GPR143: variants seen among roughly 807,000 people sequenced by gnomAD.
GPR143 encodes the protein G protein-coupled receptor 143.
A neutral mutation model predicts 27.6 loss-of-function variants in GPR143; 8 were observed. That is an observed-to-expected ratio of 0.29 (90% CI 0.17 to 0.52). The LOEUF (loss-of-function observed/expected upper bound fraction) is 0.52. Ranked by LOEUF, GPR143 falls within the 20% of genes least tolerant of loss-of-function variation. The pLI, the probability that GPR143 is intolerant of heterozygous loss-of-function variation, is 0.96. For missense variants in GPR143, 303 were observed against 343.1 expected, an observed-to-expected ratio of 0.88 and a Z score of 0.92; for synonymous variants, 156 against 153.2, an observed-to-expected ratio of 1.02 and a Z score of -0.13.
intron 2 of GPR143, 45 bp downstream of exon 2, chrX:9,760,672 G>T: frequency 1.5e-6 from 1 of 689,269 alleles, no homozygotes. Context: ...GCGATTTGAG[G>T]AGCATAAGTA....
intron 3 of GPR143, among the ~76,000 whole-genome samples, chrX:9,756,819 C>T (rs1033792993): frequency 8.9e-6 from 1 of 112,519 alleles, no homozygotes; most frequent in African/African-American, 3.2e-5. Flanking sequence ...AGCAGTTTAA[C>T]AGTTTCTTAC....
intron 1 of GPR143, among the ~76,000 whole-genome samples, chrX:9,761,782 G>A (rs1224408211): frequency 1.8e-5 from 2 of 112,595 alleles, no homozygotes. Context: ...TCTTTGTTAG[G>A]TAATGCAATA....
chrX:9,744,164 C>CT (rs1436666844), intron 5 of GPR143, among the ~76,000 whole-genome samples: 4 of 110,012 alleles, frequency 3.6e-5, no homozygotes, highest in African/African-American at 1.3e-4. Context: ...TGGTGAAACT[C>CT]TGTCTTTACT....
rs150324980 is a variant in GPR143, at chrX:9,734,481, C to T, written c.1120+5004G>A. ...AGGCATTGTGGGAGATACAGCTACG[C>T]TCCTTTCTGGCCATGTTTCTGGGCT... On this transcript the variant is annotated intron_variant, in intron 8 of 8. Coordinates refer to ENST00000467482, the MANE Select transcript of GPR143 (RefSeq NM_000273.3). Among the ~76,000 whole-genome samples, 690 of 111,588 alleles carry T rather than the reference C, an allele frequency of 6.2e-3. 7 individuals carry two copies. The highest frequency in any genetic ancestry group is 0.021 in the African/African-American group (656 of 30,671).
chrX:9,750,239 T>A (rs1014347910), intron 3 of GPR143, among the ~76,000 whole-genome samples: 1 of 112,202 alleles, frequency 8.9e-6, no homozygotes, highest in African/African-American at 3.2e-5. Context: ...AGATAGAGTC[T>A]CACTCTGTGG....
intron 5 of GPR143, among the ~76,000 whole-genome samples, chrX:9,743,959 A>G (rs1451412981): frequency 8.9e-6 from 1 of 112,843 alleles, no homozygotes. Flanking sequence ...CCCTTTACCC[A>G]GATTCCCCTC....
At chrX:9,749,340 G>A (rs777785854) in intron 3 of GPR143, among the ~76,000 whole-genome samples, 1 of 104,798 alleles carries the variant, frequency 9.5e-6, no homozygotes, top group African/African-American at 3.5e-5. Context: ...CCCCAGCCAC[G>A]CTGAACTGTG....
chrX:9,725,471 T>C lies in GPR143; in HGVS notation c.*275A>G, dbSNP rs192175598. 9.7e-4 allele frequency: 319 copies of C among 330,155 alleles called. 1 individual carries two copies. The highest frequency in any genetic ancestry group is 3.4e-3 in the Middle Eastern group (4 of 1,184). The allele number at this position is 330,155 out of a possible 1,213,427, so 27.2% of individuals were successfully genotyped here. A position where few individuals can be genotyped will look rare whatever the true frequency, so the allele number is the denominator to read the frequency against. Reference sequence around the variant, plus strand: ...AAGGATGTGGACCTTACACTTACTTTACAGCCAGCCTCAGAAAACTTCCTA... The same window carrying C: ...AAGGATGTGGACCTTACACTTACTTCACAGCCAGCCTCAGAAAACTTCCTA... On this transcript the variant is annotated 3_prime_UTR_variant, in exon 9 of 9. Transcript: ENST00000467482.
At chrX:9,732,989 G>A (rs953628760) in intron 8 of GPR143, among the ~76,000 whole-genome samples, 1 of 111,260 alleles carries the variant, frequency 9.0e-6, no homozygotes, top group East Asian at 2.8e-4. Context: ...AGAAAGACAA[G>A]GATTGTGGGA....
intron 2 of GPR143, 120 bp from the exon 3 acceptor site, chrX:9,759,546 G>A (rs942749507): frequency 1.7e-5 from 9 of 527,532 alleles, no homozygotes; most frequent in Non-Finnish European, 2.7e-5. Flanking sequence ...GCACGTGACA[G>A]CTCTCGGGAC....
rs373467758 is a variant in GPR143 at position 9,760,734 on chromosome X, A to G, written c.343T>C (p.Phe115Leu). 8.4e-7 allele frequency: 1 copy of G among 1,186,441 alleles called. No individual in the cohort carries two copies. The highest frequency in any genetic ancestry group is 1.1e-6 in the Non-Finnish European group (1 of 874,997). ...MNHTEIWPAA[F>L]CVGSAMWIQL... is the part of the protein sequence containing the mutation. Reference sequence around the variant, plus strand: ...GGACTCACCGCACTCCCCACGCAGAAAGCAGCAGGCCAAATTTCCGTGTGG... The same window carrying G: ...GGACTCACCGCACTCCCCACGCAGAGAGCAGCAGGCCAAATTTCCGTGTGG... Residue 115 changes from phenylalanine (F) to leucine (L), a missense_variant, in exon 2 of 9, where the codon TTC (phenylalanine) becomes CTC (leucine). Transcript: ENST00000467482.
At chrX:9,741,575 A>G in intron 6 of GPR143, 120 bp from the exon 7 acceptor site, 2 of 491,815 alleles carry the variant, frequency 4.1e-6, no homozygotes, top group Admixed American at 2.6e-5. Context: ...CGGTATAGAC[A>G]TGGCCACTTC....
chrX:9,778,221 C>T (rs2083577074), intron 1 of GPR143, among the ~76,000 whole-genome samples: 1 of 111,985 alleles, frequency 8.9e-6, no homozygotes, highest in Non-Finnish European at 1.9e-5. Context: ...CCAACAAGGC[C>T]CCAAATATTC....
At chrX:9,765,491 G>T in intron 1 of GPR143, 77 bp downstream of exon 1, 1 of 925,527 alleles carries the variant, frequency 1.1e-6, no homozygotes, top group Non-Finnish European at 1.4e-6. Flanking sequence ...GGCACCAGTC[G>T]GGTCTCAACC....
intron 8 of GPR143, among the ~76,000 whole-genome samples, chrX:9,728,639 TAAAAAAAAAAAAAAAAAAAAAA>T (rs57462205): frequency 5.2e-5 from 1 of 19,205 alleles, no homozygotes; most frequent in Non-Finnish European, 1.1e-4. Context: ...CCCTATCTCT[TAAAAAAAAAAAAAAAAAAAAAA>T]AAAAAAAAAG....
chrX:9,758,658 G>C (rs773857907), intron 3 of GPR143, among the ~76,000 whole-genome samples: 2 of 112,241 alleles, frequency 1.8e-5, no homozygotes, highest in East Asian at 5.6e-4. Context: ...GCCGAGGCAG[G>C]AGGATCACTT....
chrX:9,741,527 G>C, intron 6 of GPR143, 72 bp from the exon 7 acceptor site: 1 of 564,152 alleles, frequency 1.8e-6, no homozygotes, highest in Non-Finnish European at 3.2e-6. Context: ...TGGAGAGTCA[G>C]AGAAGAATTT....
chrX:9,760,618 T>G lies in GPR143; in HGVS notation c.360+99A>C, dbSNP rs73473810. 1.9e-3 allele frequency: 993 copies of G among 528,008 alleles called. 9 individuals are homozygous for G. The African/African-American group carries it at 0.02, about 10-fold the overall frequency. 43.5% of individuals were successfully genotyped at this position (528,008 alleles called of 1,213,427 possible). A position where few individuals can be genotyped will look rare whatever the true frequency, so the allele number is the denominator to read the frequency against. On this transcript the variant is annotated intron_variant, in intron 2 of 8. Transcript: ENST00000467482. ...CTGATCAGCAGGATGGGGCAGGACGTGAGAACCTGCATTTCTAACAGACTC... is the reference window on the plus strand; with the variant it reads ...CTGATCAGCAGGATGGGGCAGGACGGGAGAACCTGCATTTCTAACAGACTC...
intron 8 of GPR143, among the ~76,000 whole-genome samples, chrX:9,733,285 TTG>T (rs2083363920): frequency 1.8e-5 from 2 of 110,498 alleles, no homozygotes. Flanking sequence ...AAGATGGAGG[TTG>T]TGGGAGACTG....
Sources: allele counts gnomAD v4.1 joint callset (sites outside exome capture counted in the v4.1 genomes callset), GRCh38; gene constraint gnomAD v4.1.1; transcripts MANE v1.5; gene names NCBI Gene and HGNC (gene_info 2026-07-23, HGNC 2026-07-21).